The following NT5C2 variants were observed in gnomAD, a reference collection of about 807,000 sequenced individuals.
NT5C2 encodes 5'-nucleotidase, cytosolic II, also known as cytosolic purine 5'-nucleotidase.
Under a neutral mutation model 76.1 loss-of-function variants are expected in NT5C2, and 58 were observed. The ratio of observed to expected loss-of-function variants is 0.76; its 90% CI spans 0.62 to 0.95. The LOEUF (loss-of-function observed/expected upper bound fraction) is 0.95, where lower values mean the gene tolerates loss of function less well. Ranked by LOEUF, NT5C2 falls within the 40% of genes least tolerant of loss-of-function variation. NT5C2 has a pLI of 0.00. For missense variants in NT5C2, 478 were observed against 690.3 expected, an observed-to-expected ratio of 0.69 and a Z score of 3.45; for synonymous variants, 229 against 237.4, an observed-to-expected ratio of 0.96 and a Z score of 0.32.
intron 9 of NT5C2, among the ~76,000 whole-genome samples, chr10:103,099,316 C>G (rs1486277322): frequency 6.6e-6 from 1 of 152,162 alleles, no homozygotes; most frequent in Non-Finnish European, 1.5e-5. Flanking sequence ...CTCAAGCAAT[C>G]CACCTGCCTT....
rs2071082305 is a variant in NT5C2 at position 103,105,747 on chromosome 10, T to C, written c.348A>G (p.Gly116=). Residue 116 remains glycine, a synonymous_variant, in exon 6 of 19, where the codon GGA becomes GGG. Transcript: ENST00000404739. ...ATCCATGTGCACAGACCAAGAGGTT[T>C]CCATAGGCATCGACTTTCAAAAGAT... ...YGNLLKVDAY[G]NLLVCAHGFN... 6.2e-7 allele frequency: 1 copy of C among 1,613,392 alleles called. No individual in the cohort carries two copies. Among genetic ancestry groups the C allele is most frequent in the Admixed American group, 1.7e-5 (1 of 60,002 alleles).
At chr10:103,096,173 A>T (rs1564933410) in intron 11 of NT5C2, among the ~76,000 whole-genome samples, 193 bp from the exon 12 acceptor site, 1 of 152,250 alleles carries the variant, frequency 6.6e-6, no homozygotes, top group Non-Finnish European at 1.5e-5. Flanking sequence ...CCAAAAAGAA[A>T]AAAAGGCTTC....
intron 4 of NT5C2, among the ~76,000 whole-genome samples, chr10:103,129,613 G>A (rs1286637393): frequency 9.5e-5 from 10 of 105,528 alleles, no homozygotes; most frequent in Non-Finnish European, 2.1e-4. Flanking sequence ...GCCCCGTCCG[G>A]GAGGGAGGTG....
intron 2 of NT5C2, among the ~76,000 whole-genome samples, chr10:103,179,706 C>T (rs1472149293): frequency 6.6e-6 from 1 of 151,924 alleles, no homozygotes; most frequent in East Asian, 1.9e-4. Context: ...AATCTCTAAA[C>T]AAAAAAATAA....
At chr10:103,145,585 G>T (rs1374515311) in intron 3 of NT5C2, among the ~76,000 whole-genome samples, 1 of 152,116 alleles carries the variant, frequency 6.6e-6, no homozygotes, top group Non-Finnish European at 1.5e-5. Context: ...ACATATCGGA[G>T]AAATTAACTT....
At chr10:103,128,048 TCCCTCTCCCTC>T (rs2077010378) in intron 4 of NT5C2, among the ~76,000 whole-genome samples, 1 of 17,538 alleles carries the variant, frequency 5.7e-5, no homozygotes, top group Non-Finnish European at 1.6e-4. Flanking sequence ...ATCCGGTCTC[TCCCTCTCCCTC>T]TCCCTCTCCC....
At chr10:103,189,777 T>C (rs1425989407) in intron 1 of NT5C2, among the ~76,000 whole-genome samples, 2 of 150,970 alleles carry the variant, frequency 1.3e-5, no homozygotes, top group Non-Finnish European at 3.0e-5. Context: ...CAAGCGATTC[T>C]CGTGTCTCAG....
intron 3 of NT5C2, among the ~76,000 whole-genome samples, chr10:103,166,919 C>T (rs1433334490): frequency 6.6e-6 from 1 of 152,062 alleles, no homozygotes; most frequent in Non-Finnish European, 1.5e-5. Context: ...TCTCAAAGTG[C>T]TAGTATTATA....
intron 3 of NT5C2, among the ~76,000 whole-genome samples, chr10:103,173,243 T>C (rs1009395928): frequency 6.6e-6 from 1 of 152,088 alleles, no homozygotes; most frequent in African/African-American, 2.4e-5. Context: ...CCACATTCAA[T>C]CTAACACACA....
At chr10:103,175,811 T>C in intron 2 of NT5C2, 2 of 193,572 alleles carry the variant, frequency 1.0e-5, no homozygotes, top group Non-Finnish European at 1.1e-5. Context: ...AAGTTCTCTC[T>C]CAAGAAGTCT....
intron 3 of NT5C2, among the ~76,000 whole-genome samples, chr10:103,143,505 A>G (rs371593180): frequency 6.6e-5 from 10 of 151,298 alleles, no homozygotes; most frequent in African/African-American, 2.2e-4. Context: ...ATAATGGCTC[A>G]CTGCAGCCTC....
At chr10:103,091,490 C>A in intron 16 of NT5C2, 74 bp downstream of exon 16, 1 of 1,171,826 alleles carries the variant, frequency 8.5e-7, no homozygotes, top group South Asian at 1.3e-5. Flanking sequence ...GGATTACTGG[C>A]CTGGAAAGAA....
At chr10:103,129,082 T>G (rs1591209137) in intron 4 of NT5C2, among the ~76,000 whole-genome samples, 5 of 103,028 alleles carry the variant, frequency 4.9e-5, no homozygotes, top group Admixed American at 1.9e-4. Flanking sequence ...GGTGGGGGGG[T>G]CAGCCCCCCA....
chr10:103,133,190 CAT>C (rs1158713763), intron 4 of NT5C2, among the ~76,000 whole-genome samples: 6 of 152,196 alleles, frequency 3.9e-5, no homozygotes, highest in Admixed American at 2.6e-4. Flanking sequence ...TGTCTGCTGC[CAT>C]ATGAGACATG....
At chr10:103,183,273 A>ATTATATATATATATTT (rs1248724916) in intron 1 of NT5C2, among the ~76,000 whole-genome samples, 1 of 116,366 alleles carries the variant, frequency 8.6e-6, no homozygotes, top group Non-Finnish European at 1.7e-5. Flanking sequence ...ATATATATAT[A>ATTATATATATATATTT]TATATATATA....
At chr10:103,094,162 C>G (rs1444587027) in intron 13 of NT5C2, 124 bp from the exon 14 acceptor site, 10 of 610,336 alleles carry the variant, frequency 1.6e-5, no homozygotes, top group Non-Finnish European at 1.4e-5. Flanking sequence ...AAATGAATGG[C>G]ACTTACTCTT....
At chr10:103,100,609 C>G in intron 8 of NT5C2, 1 of 455,276 alleles carries the variant, frequency 2.2e-6, no homozygotes, top group Non-Finnish European at 4.4e-6. Flanking sequence ...ATAAGATACA[C>G]AGTATTTATT....
chr10:103,130,131 A>G (rs1184618438), intron 4 of NT5C2, among the ~76,000 whole-genome samples: 5 of 151,856 alleles, frequency 3.3e-5, no homozygotes, highest in African/African-American at 4.8e-5. Context: ...AGGTGGGGAA[A>G]AGATTGAGAA....
chr10:103,180,702 G>A (rs975367847), intron 2 of NT5C2, among the ~76,000 whole-genome samples: 32 of 151,618 alleles, frequency 2.1e-4, no homozygotes, highest in African/African-American at 7.8e-4. Context: ...CAGCCTGGGC[G>A]ACAGAGATCC....
Sources: allele counts gnomAD v4.1 joint callset (sites outside exome capture counted in the v4.1 genomes callset), GRCh38; gene constraint gnomAD v4.1.1; transcripts MANE v1.5; gene names NCBI Gene and HGNC (gene_info 2026-07-23, HGNC 2026-07-21).